ALX4: variants seen among roughly 807,000 people sequenced by gnomAD.
The protein encoded by ALX4 is homeobox protein aristaless-like 4.
A neutral mutation model predicts 40.6 loss-of-function variants in ALX4; 22 were observed. The observed-to-expected ratio is 0.54, with a 90% CI of 0.39 to 0.77. The LOEUF (loss-of-function observed/expected upper bound fraction) is 0.77. Ranked by LOEUF, ALX4 falls within the 30% of genes least tolerant of loss-of-function variation. ALX4 has a pLI of 0.00. For synonymous variants in ALX4, 266 were observed against 240.5 expected (o/e 1.11, Z -0.98); for missense variants, 556 against 564.8 (o/e 0.98, Z 0.16).
At position 44,279,837 on chromosome 11, in the gene ALX4, G is replaced by A. The variant is rs143317587; in HGVS notation, c.467-4179C>T. Reference sequence around the variant, plus strand: ...AGAATGTCAGTTCCCCAGGGGCTGGGACCTCATGCCGTTTGTCCCTTCTCA... The same window carrying A: ...AGAATGTCAGTTCCCCAGGGGCTGGAACCTCATGCCGTTTGTCCCTTCTCA... On this transcript the variant is annotated intron_variant, in intron 1 of 3. Coordinates refer to ENST00000652299, the MANE Select transcript of ALX4 (RefSeq NM_021926.4). Among the ~76,000 whole-genome samples the A allele has an allele frequency of 2.5e-3, 383 of 152,342 alleles. 2 individuals are homozygous for A. The highest frequency in any genetic ancestry group is 6.8e-3 in the Middle Eastern group (2 of 294).
chr11:44,297,473 T>C (rs1486135437), intron 1 of ALX4, among the ~76,000 whole-genome samples: 4 of 151,776 alleles, frequency 2.6e-5, no homozygotes, highest in Non-Finnish European at 4.4e-5. Flanking sequence ...ATCCCAGCAA[T>C]TTGGGAGGCT....
chr11:44,278,561 T>G (rs1472785618), intron 1 of ALX4, among the ~76,000 whole-genome samples: 1 of 152,110 alleles, frequency 6.6e-6, no homozygotes, highest in Non-Finnish European at 1.5e-5. Context: ...GAAGGTCCAG[T>G]CTTCATGGTG....
Position 44,264,886 on chromosome 11 carries a change from C to T in ALX4, c.1204G>A (p.Glu402Lys), listed in dbSNP as rs2135305265. Residue 402 changes from glutamate (E) to lysine (K), a missense_variant, in exon 4 of 4, where the codon GAG becomes AAG. Glu to Lys is a moderately conservative substitution (Grantham distance 56). Transcript: ENST00000652299. ...GCCCAGGAAATGGCCGCACTGTGCT[C>T]CTTGGCCTTCATGCGGAGGGCCGCG... ...SIAALRMKAK[E>K]HSAAISWAT The T allele has an allele frequency of 1.2e-6, 2 of 1,613,036 alleles. No homozygotes were observed. Among genetic ancestry groups the T allele is most frequent in the Middle Eastern group, 1.7e-4 (1 of 6,034 alleles).
chr11:44,287,965 C>T (rs1476846365), intron 1 of ALX4, among the ~76,000 whole-genome samples: 1 of 152,198 alleles, frequency 6.6e-6, no homozygotes, highest in Non-Finnish European at 1.5e-5. Flanking sequence ...CATATGTCTG[C>T]AACTTACTCT....
intron 1 of ALX4, among the ~76,000 whole-genome samples, chr11:44,293,128 GA>G (rs1353930432): frequency 3.9e-5 from 2 of 51,544 alleles, no homozygotes; most frequent in African/African-American, 6.8e-5. Flanking sequence ...AGGAAGGAAG[GA>G]AGGAAGGAAG....
chr11:44,307,279 A>G (rs1956474851), intron 1 of ALX4, among the ~76,000 whole-genome samples: 2 of 152,218 alleles, frequency 1.3e-5, no homozygotes, highest in African/African-American at 4.8e-5. Context: ...GATGCAGATG[A>G]GGAAACCGGG....
At chr11:44,283,415 G>T (rs370925912) in intron 1 of ALX4, among the ~76,000 whole-genome samples, 1 of 152,228 alleles carries the variant, frequency 6.6e-6, no homozygotes, top group East Asian at 1.9e-4. Flanking sequence ...ATAAATGATG[G>T]TAAGCATTCA....
Position 44,264,858 on chromosome 11 carries a change from G to T in ALX4, c.1232C>A (p.Thr411Lys). 6.2e-7 allele frequency: 1 copy of T among 1,612,790 alleles called. No homozygotes were observed. The stretch of plus-strand genomic sequence containing the variant: ...GGACGGGGCAGGGGTGCCCTGTCAT[G>T]TGGCCCAGGAAATGGCCGCACTGTG... The part of the protein sequence containing the change: ...KEHSAAISWA[T>K] Residue 411 changes from threonine to lysine, a missense_variant, in exon 4 of 4, where the codon ACA (threonine) becomes AAA (lysine). Transcript: ENST00000652299.
chr11:44,299,097 C>A (rs1444729967), intron 1 of ALX4, among the ~76,000 whole-genome samples: 5 of 152,182 alleles, frequency 3.3e-5, no homozygotes, highest in Non-Finnish European at 7.3e-5. Flanking sequence ...CTCCTCAGCT[C>A]CACCCTACCT....
At chr11:44,270,630 C>T (rs1956240571) in intron 2 of ALX4, among the ~76,000 whole-genome samples, 1 of 152,126 alleles carries the variant, frequency 6.6e-6, no homozygotes, top group Non-Finnish European at 1.5e-5. Context: ...GAGCTCCCTT[C>T]CAGATGCCAC....
chr11:44,269,913 A>C (rs1956235410), intron 2 of ALX4, among the ~76,000 whole-genome samples: 1 of 151,244 alleles, frequency 6.6e-6, no homozygotes, highest in Non-Finnish European at 1.5e-5. Flanking sequence ...AGCTGGGGGG[A>C]GGGGAGAAGC....
intron 1 of ALX4, among the ~76,000 whole-genome samples, chr11:44,286,389 T>G (rs57491170): frequency 6.6e-6 from 1 of 151,318 alleles, no homozygotes; most frequent in Non-Finnish European, 1.5e-5. Flanking sequence ...TGAAGAGGAG[T>G]CCCCGGCCCT....
chr11:44,307,807 T>C (rs563986010), intron 1 of ALX4, among the ~76,000 whole-genome samples: 8 of 152,118 alleles, frequency 5.3e-5, no homozygotes, highest in Admixed American at 2.0e-4. Flanking sequence ...TGTGTGTCCA[T>C]GTGCGGAGCT....
intron 1 of ALX4, among the ~76,000 whole-genome samples, chr11:44,285,006 C>T (rs1325796698): frequency 6.6e-6 from 1 of 151,858 alleles, no homozygotes; most frequent in Non-Finnish European, 1.5e-5. Context: ...CTGTTGTCGC[C>T]CAGGCTGGAG....
Position 44,275,638 on chromosome 11 carries a change from C to T in ALX4, c.487G>A (p.Glu163Lys). 11 of 1,613,386 alleles carry T rather than the reference C, an allele frequency of 6.8e-6. No homozygotes were observed. The highest frequency in any genetic ancestry group is 9.3e-6 in the Non-Finnish European group (11 of 1,179,530). ...TCAGAGTCAGGGGGTAACTCTGGCT[C>T]ACCCAGGGAGCTCTCTTTAGCTGAG... ...PCYAKESSLG[E>K]PELPPDSDTV... Residue 163 changes from glutamate to lysine, a missense_variant, in exon 2 of 4, where the codon GAG becomes AAG. Coordinates refer to ENST00000652299, the MANE Select transcript of ALX4 (RefSeq NM_021926.4).
chr11:44,271,847 C>T lies in ALX4; in HGVS notation c.777+3501G>A, dbSNP rs113563395. On this transcript the variant is annotated intron_variant, in intron 2 of 3. Transcript: ENST00000652299. ...TTCAGTACTTAGTGAATTCTACTCC[C>T]GGGCACTCCCATATATTTGTTAGGA... Among the ~76,000 whole-genome samples, 1,036 of 152,242 alleles carry T rather than the reference C, an allele frequency of 6.8e-3. 12 individuals carry two copies. Among genetic ancestry groups the T allele is most frequent in the African/African-American group, 0.024 (981 of 41,530 alleles).
chr11:44,298,519 G>A (rs1956416608), intron 1 of ALX4, among the ~76,000 whole-genome samples: 1 of 152,196 alleles, frequency 6.6e-6, no homozygotes, highest in South Asian at 2.1e-4. Context: ...GCAGGAATGG[G>A]GGTGCCAGCG....
chr11:44,309,164 CCGCAGCCCCGCAGCCT>C (rs772936232), intron 1 of ALX4, among the ~76,000 whole-genome samples: 1,481 of 123,258 alleles, frequency 0.012, 77 homozygotes, highest in Middle Eastern at 0.046. Context: ...TCCCGCAGCC[CCGCAGCCCCGCAGCCT>C]CGCAGCCCCG....
At chr11:44,266,477 G>A (rs1002794599) in intron 3 of ALX4, among the ~76,000 whole-genome samples, 6 of 152,202 alleles carry the variant, frequency 3.9e-5, no homozygotes, top group Admixed American at 3.3e-4. Flanking sequence ...CTGCCCTCCT[G>A]CCCCATGAAT....
Sources: allele counts gnomAD v4.1 joint callset (sites outside exome capture counted in the v4.1 genomes callset), GRCh38; gene constraint gnomAD v4.1.1; transcripts MANE v1.5; gene names NCBI Gene and HGNC (gene_info 2026-07-23, HGNC 2026-07-21).